The following PSIP1 variants were observed in gnomAD, a reference collection of about 807,000 sequenced individuals.
PSIP1 encodes PC4 and SRSF1 interacting protein 1.
Under a neutral mutation model 74.7 loss-of-function variants are expected in PSIP1, and 19 were observed. That is an observed-to-expected ratio of 0.25 (90% confidence interval 0.18 to 0.37). The LOEUF (loss-of-function observed/expected upper bound fraction) is 0.37. Among genes scored for constraint, PSIP1 ranks in the 10% least tolerant of loss-of-function variants. The pLI, the probability that PSIP1 is intolerant of heterozygous loss-of-function variation, is 1.00. For missense variants in PSIP1, 601 were observed against 614.3 expected (o/e 0.98, Z 0.23); for synonymous variants, 222 against 195.3 (o/e 1.14, Z -1.14).
intron 10 of PSIP1, chr9:15,471,612 C>T: frequency 1.1e-6 from 1 of 950,482 alleles, no homozygotes; most frequent in Non-Finnish European, 1.3e-6. Context: ...TAAAGTCTAA[C>T]ATTAGAGGGA....
Position 15,485,606 on chromosome 9 carries a change from G to GT in PSIP1, c.456+399dup, listed in dbSNP as rs1286046217. 5.3e-5 allele frequency among the ~76,000 whole-genome samples: 8 copies of GT among 152,174 alleles called. No individual in the cohort carries two copies. The East Asian group carries it at 1.5e-3, about 29-fold the overall frequency. On this transcript the variant is annotated intron_variant, in intron 6 of 15. Transcript: ENST00000380733. ...TCACACTCATTTCTCACAACGTGAAGTAACAACAACAACAACATAATGGAC... is the reference window on the plus strand; with the variant it reads ...TCACACTCATTTCTCACAACGTGAAGTTAACAACAACAACAACATAATGGAC...
At position 15,469,020 on chromosome 9, in the gene PSIP1, A is replaced by T. The variant is rs764404199; in HGVS notation, c.1143T>A (p.Ala381=). Residue 381 remains alanine (A), a synonymous_variant, in exon 13 of 16, where the codon GCT becomes GCA. Coordinates refer to ENST00000380733, the MANE Select transcript of PSIP1 (RefSeq NM_033222.5). ...NRCIEALDEL[A]SLQVTMQQAQ... ...CTTGTTGCATTGTGACCTGAAGTGA[A>T]GCAAGTTCATCCAAGGCCTCAATGC... 6.2e-7 allele frequency: 1 copy of T among 1,613,962 alleles called. No individual in the cohort carries two copies. Among genetic ancestry groups the T allele is most frequent in the Non-Finnish European group, 8.5e-7 (1 of 1,179,946 alleles).
At chr9:15,489,872 A>G in intron 4 of PSIP1, 114 bp downstream of exon 4, 1 of 898,224 alleles carries the variant, frequency 1.1e-6, no homozygotes, top group Non-Finnish European at 1.6e-6. Flanking sequence ...ATAAGAACAC[A>G]ACAAACTAGT....
At chr9:15,466,636 T>TG in intron 15 of PSIP1, 112 bp downstream of exon 15, 1 of 746,734 alleles carries the variant, frequency 1.3e-6, no homozygotes, top group Non-Finnish European at 2.1e-6. Context: ...ATTCAGGAAT[T>TG]GGGTGATCAA....
intron 14 of PSIP1, among the ~76,000 whole-genome samples, chr9:15,467,454 T>G (rs1213064164): frequency 6.6e-6 from 1 of 152,202 alleles, no homozygotes; most frequent in Non-Finnish European, 1.5e-5. Flanking sequence ...CTAAGATGTT[T>G]AATAACAAGA....
At chr9:15,482,418 C>T (rs959215404) in intron 6 of PSIP1, among the ~76,000 whole-genome samples, 1 of 152,164 alleles carries the variant, frequency 6.6e-6, no homozygotes, top group Admixed American at 6.5e-5. Context: ...CTATTCTTCC[C>T]GACTTGTACC....
chr9:15,490,221 A>C, intron 3 of PSIP1, 97 bp from the exon 4 acceptor site: 1 of 1,124,486 alleles, frequency 8.9e-7, no homozygotes, highest in Non-Finnish European at 1.2e-6. Context: ...AAAATACAGA[A>C]CCTAAACTGC....
Position 15,468,461 on chromosome 9 carries a change from C to T in PSIP1, c.1420+169G>A, listed in dbSNP as rs1043484103. 47 of 804,652 alleles carry T rather than the reference C, an allele frequency of 5.8e-5. 1 individual carries two copies. The East Asian group carries it at 1.1e-3, about 20-fold the overall frequency. The allele number at this position is 804,652 out of a possible 1,614,324, so 49.8% of individuals were successfully genotyped here. On this transcript the variant is annotated intron_variant, in intron 14 of 15. Coordinates refer to ENST00000380733, the MANE Select transcript of PSIP1 (RefSeq NM_033222.5). ...CTGACATGATTTTTTGTTCTCAATG[C>T]ACACTGCTCTAGTCCTTCAATAGGC...
chr9:15,465,623 T>C (rs758607312), intron 15 of PSIP1, 43 bp from the exon 16 acceptor site: 4 of 1,469,298 alleles, frequency 2.7e-6, no homozygotes, highest in Non-Finnish European at 3.7e-6. Flanking sequence ...TAGGATTTTC[T>C]CCTGATGAAG....
At chr9:15,505,841 GAATAGC>G (rs1190478557) in intron 3 of PSIP1, 1 of 152,156 alleles carries the variant, frequency 6.6e-6, no homozygotes, top group African/African-American at 2.4e-5. Context: ...ATTCTAATCA[GAATAGC>G]AATAGTTTTG....
At chr9:15,505,262 C>T (rs1426448904) in intron 3 of PSIP1, 2 of 152,104 alleles carry the variant, frequency 1.3e-5, no homozygotes, top group Non-Finnish European at 2.9e-5. Context: ...AATTAAAGTT[C>T]GCAAGAGATG....
chr9:15,497,922 A>C (rs555494341), intron 3 of PSIP1, among the ~76,000 whole-genome samples: 2 of 152,298 alleles, frequency 1.3e-5, no homozygotes, highest in African/African-American at 4.8e-5. Context: ...AAACTTACTC[A>C]AAAGTAGACC....
At chr9:15,475,620 A>AG (rs1253771311) in intron 8 of PSIP1, among the ~76,000 whole-genome samples, 1 of 152,236 alleles carries the variant, frequency 6.6e-6, no homozygotes, top group African/African-American at 2.4e-5. Flanking sequence ...TAAAACATAC[A>AG]GTGGGATACC....
chr9:15,483,896 G>A (rs1185752694), intron 6 of PSIP1, among the ~76,000 whole-genome samples: 4 of 152,142 alleles, frequency 2.6e-5, no homozygotes, highest in Non-Finnish European at 4.4e-5. Context: ...GGGAGGCAGA[G>A]GTGAGCAGAT....
At chr9:15,491,254 T>C (rs1014145060) in intron 3 of PSIP1, among the ~76,000 whole-genome samples, 1 of 152,088 alleles carries the variant, frequency 6.6e-6, no homozygotes, top group African/African-American at 2.4e-5. Context: ...GCTTGGGAGC[T>C]AGTTTAAATA....
chr9:15,490,682 C>CAAA lies in PSIP1; in HGVS notation c.150-561_150-559dup, dbSNP rs869054621. 2.9e-3 allele frequency among the ~76,000 whole-genome samples: 167 copies of CAAA among 57,274 alleles called. 2 individuals carry two copies. The highest frequency in any genetic ancestry group is 4.5e-3 in the African/African-American group (77 of 16,972). The allele number at this position is 57,274 out of a possible 152,430, so 37.6% of individuals were successfully genotyped here. A position where few individuals can be genotyped will look rare whatever the true frequency, so the allele number is the denominator to read the frequency against. On this transcript the variant is annotated intron_variant, in intron 3 of 15. Transcript: ENST00000380733. ...TGGGTGACAGAGTGAGACTCTGTCT[C>CAAA]AAAAAAAAAAAAAAAAAAAAAAAGG...
In PSIP1 at chr9:15,470,729, CATTT is replaced by C. The variant is rs562156713; in HGVS notation, c.978-740_978-737del. 225 of 955,732 alleles carry C rather than the reference CATTT, an allele frequency of 2.4e-4. 2 individuals carry two copies. In the South Asian group the frequency reaches 3.5e-3, roughly 15 times the overall value. The allele number at this position is 955,732 out of a possible 1,614,324, so 59.2% of individuals were successfully genotyped here. A position where few individuals can be genotyped will look rare whatever the true frequency, so the allele number is the denominator to read the frequency against. ...GTTTAATCTCTCAGGATTAAAAAAA[CATTT>C]ATTAAGATTCTAAAGAATTAAACAA... On this transcript the variant is annotated intron_variant, in intron 10 of 15. Coordinates refer to ENST00000380733, the MANE Select transcript of PSIP1 (RefSeq NM_033222.5).
intron 13 of PSIP1, 45 bp downstream of exon 13, chr9:15,468,912 G>A: frequency 6.2e-7 from 1 of 1,604,102 alleles, no homozygotes; most frequent in Non-Finnish European, 8.5e-7. Context: ...TTTAAATGAA[G>A]TAATGACAAA....
At position 15,464,304 on chromosome 9, in the gene PSIP1, G is replaced by C. The variant is rs1220304537; in HGVS notation, c.*1216C>G. On this transcript the variant is annotated 3_prime_UTR_variant, in exon 16 of 16. Coordinates refer to ENST00000380733, the MANE Select transcript of PSIP1 (RefSeq NM_033222.5). ...GGTCAACCACACAATGTCATACAGAGACGCTGGTCTTAAGCCATTTTTTTC... is the reference window on the plus strand; with the variant it reads ...GGTCAACCACACAATGTCATACAGACACGCTGGTCTTAAGCCATTTTTTTC... 3 of 194,472 alleles carry C rather than the reference G, an allele frequency of 1.5e-5. No homozygotes were observed. The highest frequency in any genetic ancestry group is 3.2e-5 in the Non-Finnish European group (3 of 93,546). 12.0% of individuals were successfully genotyped at this position (194,472 alleles called of 1,614,324 possible).
Sources: gnomAD v4.1 joint callset for allele counts (sites outside exome capture counted in the v4.1 genomes callset) on GRCh38, gnomAD v4.1.1 for gene constraint, MANE v1.5 for transcripts, NCBI Gene and HGNC (gene_info 2026-07-23, HGNC 2026-07-21) for gene names.